Variants in SEPTIN9 observed in about 807,000 individuals in gnomAD.
The protein encoded by SEPTIN9 is septin-9.
A neutral mutation model predicts 56.6 loss-of-function variants in SEPTIN9; 13 were observed. The ratio of observed to expected loss-of-function variants is 0.23; its 90% CI spans 0.15 to 0.37. The LOEUF is 0.37. Ranked by LOEUF, SEPTIN9 falls within the 10% of genes least tolerant of loss-of-function variation. The pLI is 1.00. For synonymous variants in SEPTIN9, 332 were observed against 334.1 expected, an observed-to-expected ratio of 0.99 and a Z score of 0.07; for missense variants, 650 against 823.1, an observed-to-expected ratio of 0.79 and a Z score of 2.57.
rs112921180 is a variant in SEPTIN9 at position 77,437,788 on chromosome 17, C to T, written c.721+35085C>T. 0.021 allele frequency among the ~76,000 whole-genome samples: 3,180 copies of T among 152,308 alleles called. 108 individuals are homozygous for T. Among genetic ancestry groups the T allele is most frequent in the African/African-American group, 0.069 (2,859 of 41,556 alleles). On this transcript the variant is annotated intron_variant, in intron 3 of 11. Transcript: ENST00000427177. This position sits in a 1 kb window ranked among gnomAD's most constrained non-coding sequence, Gnocchi z 5.3. ...TCTGGGGAGGACTTTCTGCTGCCCC[C>T]CAACCCCTTTCGGGTACATTCTCCT... is the stretch of plus-strand genomic sequence containing the variant.
Position 77,318,053 on chromosome 17 carries a change from T to TAA in SEPTIN9, c.76+10859_76+10860dup, listed in dbSNP as rs1332958471. 1.3e-5 allele frequency among the ~76,000 whole-genome samples: 2 copies of TAA among 148,156 alleles called. No homozygotes were observed. The highest frequency in any genetic ancestry group is 6.7e-5 in the Admixed American group (1 of 15,016). ...GTGGCAGAGCGAGACTCTGTCTCAA[T>TAA]AAAATAAAATAAAATAAAATAATAA... On this transcript the variant is annotated intron_variant, in intron 2 of 11. Coordinates refer to ENST00000427177, the MANE Select transcript of SEPTIN9 (RefSeq NM_001113491.2). This position sits in a 1 kb window ranked among gnomAD's most constrained non-coding sequence, Gnocchi z 4.9.
intron 2 of SEPTIN9, 38 bp downstream of exon 2, chr17:77,307,235 T>C: frequency 1.3e-6 from 2 of 1,578,112 alleles, no homozygotes; most frequent in Non-Finnish European, 1.7e-6. Flanking sequence ...ACCCAGCTCA[T>C]GGGTGTGTTT....
intron 10 of SEPTIN9, among the ~76,000 whole-genome samples, chr17:77,493,506 T>C (rs540463107): frequency 1.3e-5 from 2 of 152,292 alleles, no homozygotes; most frequent in African/African-American, 2.4e-5. Context: ...CTTAGTCTCT[T>C]GAGTGGCTGT....
intron 3 of SEPTIN9, among the ~76,000 whole-genome samples, chr17:77,412,868 C>T (rs1301871195): frequency 7.4e-6 from 1 of 134,492 alleles, no homozygotes; most frequent in East Asian, 1.9e-4. Context: ...TCTGCTTTCC[C>T]TTTTAGCTTT....
chr17:77,494,421 G>A (rs1480338132), intron 10 of SEPTIN9, among the ~76,000 whole-genome samples: 2 of 152,236 alleles, frequency 1.3e-5, no homozygotes, highest in Admixed American at 6.5e-5. Flanking sequence ...TTCTGGGAGA[G>A]CACTTGGCTG....
chr17:77,424,857 G>A (rs148645877), intron 3 of SEPTIN9, among the ~76,000 whole-genome samples: 71 of 152,284 alleles, frequency 4.7e-4, no homozygotes, highest in African/African-American at 1.6e-3. Flanking sequence ...ATGGGCATCC[G>A]GGCACTGAGT....
rs573617805 is a variant in SEPTIN9 at position 77,451,344 on chromosome 17, C to A, written c.722-30800C>A. 3.9e-5 allele frequency: 38 copies of A among 985,740 alleles called. No homozygotes were observed. The highest frequency in any genetic ancestry group is 4.1e-5 in the Non-Finnish European group (34 of 829,980). 61.1% of individuals were successfully genotyped at this position (985,740 alleles called of 1,614,324 possible). A position where few individuals can be genotyped will look rare whatever the true frequency, so the allele number is the denominator to read the frequency against. ...CTCGCCCTGCCCCCTTGGAGCAATT[C>A]CCCACCGAGCCTCCCTTCCCAGGCA... is the stretch of plus-strand genomic sequence containing the variant. On this transcript the variant is annotated intron_variant, in intron 3 of 11. Transcript: ENST00000427177. This position sits in a 1 kb window ranked among gnomAD's most constrained non-coding sequence, Gnocchi z 4.2.
At chr17:77,305,140 C>G (rs983181740) in intron 1 of SEPTIN9, among the ~76,000 whole-genome samples, 4 of 152,060 alleles carry the variant, frequency 2.6e-5, no homozygotes, top group Non-Finnish European at 5.9e-5. Context: ...TGGCCAGGAA[C>G]CCCTGGGTTT....
intron 7 of SEPTIN9, among the ~76,000 whole-genome samples, chr17:77,489,888 G>A (rs763607397): frequency 3.5e-4 from 53 of 152,328 alleles, no homozygotes; most frequent in Admixed American, 3.9e-4. Flanking sequence ...CTGCGGTCCT[G>A]TGGCAGCTGT....
chr17:77,329,677 A>G lies in SEPTIN9; in HGVS notation c.76+22480A>G, dbSNP rs2033273811. Among the ~76,000 whole-genome samples the G allele has an allele frequency of 6.6e-6, 1 of 152,084 alleles. No homozygotes were observed. The highest frequency in any genetic ancestry group is 1.5e-5 in the Non-Finnish European group (1 of 68,016). ...GCACTTAACACCTGCTGGTGCCCCC[A>G]TCCCCAAGCAGGAACCCTGGTGCCT... is the stretch of plus-strand genomic sequence containing the variant. On this transcript the variant is annotated intron_variant, in intron 2 of 11. Transcript: ENST00000427177. This position sits in a 1 kb window ranked among gnomAD's most constrained non-coding sequence, Gnocchi z 4.3.
chr17:77,388,441 C>T (rs760934183), intron 2 of SEPTIN9, among the ~76,000 whole-genome samples: 16 of 152,220 alleles, frequency 1.1e-4, no homozygotes, highest in Non-Finnish European at 1.5e-5. Context: ...GAGACCAGGT[C>T]CTCCTCACCC....
intron 2 of SEPTIN9, among the ~76,000 whole-genome samples, chr17:77,333,942 T>C (rs951981878): frequency 6.6e-6 from 1 of 152,014 alleles, no homozygotes; most frequent in South Asian, 2.1e-4. Flanking sequence ...TTTAAAATTA[T>C]GTTGTTTCAA....
chr17:77,457,216 C>G (rs1465377422), intron 3 of SEPTIN9, among the ~76,000 whole-genome samples: 2 of 152,302 alleles, frequency 1.3e-5, no homozygotes, highest in South Asian at 2.1e-4. Flanking sequence ...ATCCATACAG[C>G]CTCGGCCCTC....
rs2032463093 is a variant in SEPTIN9, at chr17:77,310,811, C to A, written c.76+3614C>A. Among the ~76,000 whole-genome samples, 1 of 152,154 alleles carries A rather than the reference C, an allele frequency of 6.6e-6. No individual in the cohort carries two copies. Among genetic ancestry groups the A allele is most frequent in the African/African-American group, 2.4e-5 (1 of 41,436 alleles). ...GGTGCCTGAGCTTCCCTCCCTCTGGCCCTCAGACCCCGGCTGGGATCCTTG... is the reference window on the plus strand; with the variant it reads ...GGTGCCTGAGCTTCCCTCCCTCTGGACCTCAGACCCCGGCTGGGATCCTTG... On this transcript the variant is annotated intron_variant, in intron 2 of 11. Coordinates refer to ENST00000427177, the MANE Select transcript of SEPTIN9 (RefSeq NM_001113491.2). The surrounding 1 kb of genome is among the most constrained non-coding windows in gnomAD (Gnocchi z 4.7).
In SEPTIN9 at chr17:77,330,290, G is replaced by C. The variant is rs2033299441; in HGVS notation, c.76+23093G>C. 6.6e-6 allele frequency among the ~76,000 whole-genome samples: 1 copy of C among 152,208 alleles called. No homozygotes were observed. Among genetic ancestry groups the C allele is most frequent in the South Asian group, 2.1e-4 (1 of 4,830 alleles). On this transcript the variant is annotated intron_variant, in intron 2 of 11. Transcript: ENST00000427177. This position sits in a 1 kb window ranked among gnomAD's most constrained non-coding sequence, Gnocchi z 4.4. Reference sequence around the variant, plus strand: ...GGCCCCCACCTCACATTGTGGAGCTGGTGTAGGAAGGAAGGTGCCGGGAGC... The same window carrying C: ...GGCCCCCACCTCACATTGTGGAGCTCGTGTAGGAAGGAAGGTGCCGGGAGC...
chr17:77,439,534 G>A (rs1386035160), intron 3 of SEPTIN9, among the ~76,000 whole-genome samples: 2 of 152,202 alleles, frequency 1.3e-5, no homozygotes, highest in East Asian at 3.8e-4. Flanking sequence ...TGCCGCAGCT[G>A]CACCCTGTGG....
intron 2 of SEPTIN9, among the ~76,000 whole-genome samples, chr17:77,395,598 A>G (rs965313202): frequency 4.6e-5 from 7 of 152,160 alleles, no homozygotes; most frequent in African/African-American, 1.7e-4. Context: ...CCCATGTAGT[A>G]TAAGCATCTC....
Position 77,499,370 on chromosome 17 carries a change from C to A in SEPTIN9, c.*712C>A, listed in dbSNP as rs367973146. 45 of 571,340 alleles carry A rather than the reference C, an allele frequency of 7.9e-5. No homozygotes were observed. The highest frequency in any genetic ancestry group is 6.7e-6 in the Non-Finnish European group (2 of 296,310). The allele number at this position is 571,340 out of a possible 1,614,324, so 35.4% of individuals were successfully genotyped here. A position where few individuals can be genotyped will look rare whatever the true frequency, so the allele number is the denominator to read the frequency against. On this transcript the variant is annotated 3_prime_UTR_variant, in exon 12 of 12. Coordinates refer to ENST00000427177, the MANE Select transcript of SEPTIN9 (RefSeq NM_001113491.2). ...GGAGGCGTCTTCATCTCCCTGCCATCCCCCTCTCACGCCACCCCCGCCCCC... is the reference window on the plus strand; with the variant it reads ...GGAGGCGTCTTCATCTCCCTGCCATACCCCTCTCACGCCACCCCCGCCCCC...
rs776401915 is a variant in SEPTIN9, at chr17:77,499,123, G to A, written c.*465G>A. 5.4e-5 allele frequency: 29 copies of A among 536,138 alleles called. 1 individual carries two copies. Among genetic ancestry groups the A allele is most frequent in the South Asian group, 4.4e-4 (29 of 65,234 alleles). 33.2% of individuals were successfully genotyped at this position (536,138 alleles called of 1,614,324 possible). ...GTGTCAGAGCCCAGGGGAGAATGCA[G>A]CCCACCAGGAGCACCTGGACCCCCT... is the stretch of plus-strand genomic sequence containing the variant. On this transcript the variant is annotated 3_prime_UTR_variant, in exon 12 of 12. Transcript: ENST00000427177.
Sources: gnomAD v4.1 joint callset for allele counts (sites outside exome capture counted in the v4.1 genomes callset) on GRCh38, gnomAD v4.1.1 for gene constraint, Gnocchi (gnomAD v3.1) non-coding constraint, MANE v1.5 for transcripts, NCBI Gene and HGNC (gene_info 2026-07-23, HGNC 2026-07-21) for gene names.